The following PCDH15 variants were observed in gnomAD, a reference collection of about 807,000 sequenced individuals.
The protein encoded by PCDH15 is protocadherin related 15, also known as protocadherin-15.
In PCDH15, 129 loss-of-function variants were observed where a neutral mutation model predicts 178.5. The ratio of observed to expected loss-of-function variants is 0.72; its 90% confidence interval spans 0.63 to 0.84. The LOEUF (loss-of-function observed/expected upper bound fraction) is 0.84, where lower values mean the gene tolerates loss of function less well. Among genes scored for constraint, PCDH15 ranks in the 40% least tolerant of loss-of-function variants. The pLI, the probability that PCDH15 is intolerant of heterozygous loss-of-function variation, is 0.00. For missense variants in PCDH15, 2,230 were observed against 2,099.9 expected (o/e 1.06, Z -1.21); for synonymous variants, 800 against 732.0 (o/e 1.09, Z -1.50).
chr10:55,398,900 G>C (rs933704315), intron 2 of PCDH15, among the ~76,000 whole-genome samples: 3 of 151,748 alleles, frequency 2.0e-5, no homozygotes, highest in African/African-American at 7.3e-5. Context: ...CACTCTTATG[G>C]GATAAGAAAA....
intron 3 of PCDH15, among the ~76,000 whole-genome samples, chr10:54,492,576 T>G (rs756066383): frequency 6.6e-6 from 1 of 152,284 alleles, no homozygotes. Flanking sequence ...TGGATAATTC[T>G]AGAAATAAAC....
chr10:55,081,114 A>G (rs1193363008), intron 2 of PCDH15, among the ~76,000 whole-genome samples: 1 of 152,096 alleles, frequency 6.6e-6, no homozygotes, highest in African/African-American at 2.4e-5. Context: ...TGCAGCCGTC[A>G]ATAGTGGAAT....
chr10:54,697,515 G>GTATATATA (rs141387823), intron 1 of PCDH15, among the ~76,000 whole-genome samples: 2,469 of 143,032 alleles, frequency 0.017, 65 homozygotes, highest in African/African-American at 0.054. Context: ...TGAAATGTGT[G>GTATATATA]TATATATATA....
intron 2 of PCDH15, among the ~76,000 whole-genome samples, chr10:54,593,519 T>C (rs2092018501): frequency 6.6e-6 from 1 of 152,174 alleles, no homozygotes; most frequent in African/African-American, 2.4e-5. Flanking sequence ...TCTGTTTTCT[T>C]GCATTAATCT....
intron 1 of PCDH15, among the ~76,000 whole-genome samples, chr10:55,199,408 A>T (rs1227838446): frequency 6.6e-6 from 1 of 152,082 alleles, no homozygotes; most frequent in Non-Finnish European, 1.5e-5. Flanking sequence ...CAAGGCATTC[A>T]ATATGTGGCC....
intron 2 of PCDH15, among the ~76,000 whole-genome samples, chr10:55,515,047 T>G (rs1840980335): frequency 6.9e-6 from 1 of 145,648 alleles, no homozygotes; most frequent in African/African-American, 2.5e-5. Flanking sequence ...TGGAGTGCAG[T>G]GGTGCGATCT....
intron 34 of PCDH15, among the ~76,000 whole-genome samples, chr10:53,816,725 C>T (rs2076072317): frequency 6.6e-6 from 1 of 152,150 alleles, no homozygotes. Flanking sequence ...GCAGAACACA[C>T]AAAACGATAA....
intron 1 of PCDH15, among the ~76,000 whole-genome samples, chr10:55,244,999 C>CT (rs1002018133): frequency 1.4e-4 from 22 of 151,772 alleles, no homozygotes; most frequent in African/African-American, 3.9e-4. Context: ...GAAGGTTCTT[C>CT]TTTTTTTTGA....
chr10:54,712,396 G>A (rs535316903), intron 1 of PCDH15, among the ~76,000 whole-genome samples: 2 of 151,944 alleles, frequency 1.3e-5, no homozygotes, highest in African/African-American at 2.4e-5. Flanking sequence ...ACAACAAGCA[G>A]TAGAAGAGAC....
Position 55,463,955 on chromosome 10 carries a change from AAGAAAGAAAGAAAGAAAGAGAAAGAAAG to A in PCDH15, c.-156+163642_-156+163669del, listed in dbSNP as rs1839752919. Reference sequence around the variant, plus strand: ...AAAGAAAGAAAGAAAGAAAGAAAGAAAGAAAGAAAGAAAGAAAGAGAAAGAAAGAAAGAAAGAGAAAGAAAGAAAGAAA... The same window carrying A: ...AAAGAAAGAAAGAAAGAAAGAAAGAAAAAGAAAGAGAAAGAAAGAAAGAAA... On this transcript the variant is annotated intron_variant, in intron 2 of 5. Transcript: ENST00000613346. Among the ~76,000 whole-genome samples the A allele has an allele frequency of 1.8e-3, 75 of 41,066 alleles. 16 individuals are homozygous for A. Among genetic ancestry groups the A allele is most frequent in the African/African-American group, 0.011 (68 of 6,220 alleles). 26.9% of individuals were successfully genotyped at this position (41,066 alleles called of 152,430 possible). A position where few individuals can be genotyped will look rare whatever the true frequency, so the allele number is the denominator to read the frequency against.
intron 25 of PCDH15, among the ~76,000 whole-genome samples, chr10:53,936,945 A>T (rs966224797): frequency 3.9e-5 from 6 of 152,150 alleles, no homozygotes; most frequent in African/African-American, 1.4e-4. Context: ...TTAATTAATG[A>T]GATTGAATTA....
chr10:55,045,137 A>C (rs1840966754), intron 2 of PCDH15, among the ~76,000 whole-genome samples: 1 of 152,074 alleles, frequency 6.6e-6, no homozygotes, highest in Non-Finnish European at 1.5e-5. Context: ...AAACTCTCTG[A>C]TAAAATTATT....
Position 54,555,575 on chromosome 10 carries a change from C to CAA in PCDH15, c.92-27700_92-27699dup, listed in dbSNP as rs35998779. On this transcript the variant is annotated intron_variant, in intron 2 of 37. Coordinates refer to ENST00000644397, the MANE Select transcript of PCDH15 (RefSeq NM_001384140.1). ...TGAAACCCCCTCTCTACTAAAAATA[C>CAA]AAAAAAAAAAAATTGGCCGGGTGTG... Among the ~76,000 whole-genome samples the CAA allele has an allele frequency of 1.8e-3, 266 of 143,838 alleles. 2 individuals are homozygous for CAA. Among genetic ancestry groups the CAA allele is most frequent in the Admixed American group, 3.9e-3 (57 of 14,464 alleles). The allele number at this position is 143,838 out of a possible 152,430, so 94.4% of individuals were successfully genotyped here. A position where few individuals can be genotyped will look rare whatever the true frequency, so the allele number is the denominator to read the frequency against.
At chr10:55,389,114 G>C (rs1281659078) in intron 2 of PCDH15, among the ~76,000 whole-genome samples, 1 of 152,064 alleles carries the variant, frequency 6.6e-6, no homozygotes, top group African/African-American at 2.4e-5. Context: ...AACTCCCAAT[G>C]ATGAATCAAC....
intron 15 of PCDH15, among the ~76,000 whole-genome samples, chr10:54,105,296 A>G: frequency 1.0e-5 from 1 of 96,594 alleles, no homozygotes; most frequent in East Asian, 2.3e-4. Flanking sequence ...ATATATATAT[A>G]TATATATATA....
intron 1 of PCDH15, among the ~76,000 whole-genome samples, chr10:54,728,042 C>T (rs754752977): frequency 2.0e-5 from 3 of 151,312 alleles, no homozygotes; most frequent in Non-Finnish European, 4.4e-5. Context: ...TGAAACTATT[C>T]CAAAAAACTG....
intron 9 of PCDH15, among the ~76,000 whole-genome samples, chr10:54,219,159 C>G (rs1005008391): frequency 8.7e-5 from 13 of 149,478 alleles, no homozygotes; most frequent in African/African-American, 3.0e-4. Flanking sequence ...CCTGTAGTCC[C>G]AGCTACTGGG....
At chr10:53,860,078 G>A (rs2079002762) in intron 27 of PCDH15, among the ~76,000 whole-genome samples, 1 of 152,106 alleles carries the variant, frequency 6.6e-6, no homozygotes, top group African/African-American at 2.4e-5. Flanking sequence ...CATCTATACT[G>A]GGTGAATGTG....
chr10:54,014,084 G>A (rs2092670837), intron 20 of PCDH15, among the ~76,000 whole-genome samples: 1 of 151,822 alleles, frequency 6.6e-6, no homozygotes, highest in East Asian at 1.9e-4. Flanking sequence ...AATGAAAAAA[G>A]ACATTACCAC....
Sources: allele counts gnomAD v4.1 joint callset (sites outside exome capture counted in the v4.1 genomes callset), GRCh38; gene constraint gnomAD v4.1.1; transcripts MANE v1.5; gene names NCBI Gene and HGNC (gene_info 2026-07-23, HGNC 2026-07-21).